SRFBP1: variants seen among roughly 807,000 people sequenced by gnomAD.
SRFBP1 encodes serum response factor binding protein 1, also known as serum response factor-binding protein 1.
Under a neutral mutation model 45.5 loss-of-function variants are expected in SRFBP1, and 47 were observed. The ratio of observed to expected loss-of-function variants is 1.03; its 90% CI spans 0.82 to 1.32. SRFBP1 has a LOEUF of 1.32. SRFBP1 is among the 40% of genes most tolerant of loss of function. SRFBP1 has a pLI of 0.00. For synonymous variants in SRFBP1, 203 were observed against 166.3 expected (o/e 1.22, Z -1.70); for missense variants, 621 against 484.6 (o/e 1.28, Z -2.64).
intron 6 of SRFBP1, among the ~76,000 whole-genome samples, chr5:122,021,735 G>A (rs1041972624): frequency 2.2e-5 from 3 of 138,508 alleles, no homozygotes; most frequent in African/African-American, 8.3e-5. Flanking sequence ...GGAGTGCAGT[G>A]GTGTGATCTT....
chr5:122,040,281 A>G (rs1753754776), intron 2 of SRFBP1, among the ~76,000 whole-genome samples: 1 of 152,166 alleles, frequency 6.6e-6, no homozygotes, highest in Non-Finnish European at 1.5e-5. Flanking sequence ...ATAGAATTGT[A>G]GAACAAATTA....
rs868248531 is a variant in SRFBP1, at chr5:121,998,474, A to G, written c.270+3804A>G. On this transcript the variant is annotated intron_variant, in intron 4 of 7. Transcript: ENST00000339397. ...GGTGGGAATTGAACAATGAGATCACATGGACACAGGAAGGGGAATATCACA... is the reference window on the plus strand; with the variant it reads ...GGTGGGAATTGAACAATGAGATCACGTGGACACAGGAAGGGGAATATCACA... Among the ~76,000 whole-genome samples the G allele has an allele frequency of 2.4e-3, 320 of 132,112 alleles. 3 individuals are homozygous for G. Among genetic ancestry groups the G allele is most frequent in the African/African-American group, 8.8e-3 (307 of 35,074 alleles). The allele number at this position is 132,112 out of a possible 152,430, so 86.7% of individuals were successfully genotyped here.
chr5:122,028,654 T>G (rs1753539287), downstream of SRFBP1: 1 of 152,126 alleles, frequency 6.6e-6, no homozygotes, highest in African/African-American at 2.4e-5. Context: ...CAAGGGATTA[T>G]GCAGAGAGAA....
At chr5:121,990,816 A>G (rs941007780) in intron 3 of SRFBP1, among the ~76,000 whole-genome samples, 7 of 152,194 alleles carry the variant, frequency 4.6e-5, no homozygotes, top group Non-Finnish European at 8.8e-5. Context: ...TCTTTTGACT[A>G]CATGTCTTAT....
chr5:121,997,461 T>C (rs1752754132), intron 4 of SRFBP1, among the ~76,000 whole-genome samples: 1 of 151,832 alleles, frequency 6.6e-6, no homozygotes, highest in Non-Finnish European at 1.5e-5. Flanking sequence ...TGGCTAGCCA[T>C]ATGTAGAAAG....
chr5:121,966,449 A>G (rs897142776), intron 1 of SRFBP1, among the ~76,000 whole-genome samples: 63 of 152,222 alleles, frequency 4.1e-4, no homozygotes, highest in African/African-American at 1.5e-3. Flanking sequence ...AAGTAGGTAT[A>G]TAATGGGCAG....
intron 7 of SRFBP1, among the ~76,000 whole-genome samples, chr5:122,023,794 C>T (rs1218667080): frequency 3.3e-5 from 5 of 152,170 alleles, no homozygotes; most frequent in East Asian, 1.9e-4. Context: ...TATACACCTC[C>T]TCAAAAACTC....
chr5:121,995,699 C>T (rs1277178025), intron 4 of SRFBP1, among the ~76,000 whole-genome samples: 2 of 152,090 alleles, frequency 1.3e-5, no homozygotes, highest in African/African-American at 4.8e-5. Context: ...ACAAAAAACC[C>T]TTCAAAAAAT....
chr5:122,017,987 A>G (rs1561593106), intron 4 of SRFBP1, among the ~76,000 whole-genome samples: 1 of 152,096 alleles, frequency 6.6e-6, no homozygotes, highest in Non-Finnish European at 1.5e-5. Context: ...GCAGATATGA[A>G]AACATCTACA....
intron 2 of SRFBP1, among the ~76,000 whole-genome samples, chr5:122,047,770 G>A (rs1753892313): frequency 6.6e-6 from 1 of 152,146 alleles, no homozygotes; most frequent in Admixed American, 6.5e-5. Context: ...CACATCCCTT[G>A]TAAGTTGGAT....
chr5:121,965,551 A>G (rs531238221), intron 1 of SRFBP1, among the ~76,000 whole-genome samples: 6 of 151,962 alleles, frequency 3.9e-5, no homozygotes, highest in Non-Finnish European at 7.4e-5. Flanking sequence ...TGGTCTATAT[A>G]TCTGTTTTGG....
At chr5:122,005,746 T>C (rs907899012) in intron 4 of SRFBP1, among the ~76,000 whole-genome samples, 4 of 152,158 alleles carry the variant, frequency 2.6e-5, no homozygotes, top group Non-Finnish European at 5.9e-5. Flanking sequence ...TCTCTCTTGC[T>C]GTGTTTCTCA....
Position 122,027,070 on chromosome 5 carries a change from G to C in SRFBP1, c.1234G>C (p.Glu412Gln), listed in dbSNP as rs1753496221. The C allele has an allele frequency of 1.2e-5, 19 of 1,611,674 alleles. No individual in the cohort carries two copies. The highest frequency in any genetic ancestry group is 1.6e-5 in the Non-Finnish European group (19 of 1,179,204). ...PSWEASRRRK[E>Q]QQSNIAVFQG... ...ATGGGAAGCAAGCAGAAGGCGAAAA[G>C]AACAGCAATCTAATATTGCTGTGTT... Residue 412 changes from glutamate (E) to glutamine (Q), a missense_variant, in exon 8 of 8, where the codon GAA (glutamate) becomes CAA (glutamine). Glu to Gln is a conservative substitution (Grantham distance 29). Transcript: ENST00000339397.
At chr5:122,069,977 C>T in intron 2 of SRFBP1, 1 of 1,013,648 alleles carries the variant, frequency 9.9e-7, no homozygotes, top group Non-Finnish European at 1.6e-6. Flanking sequence ...GAAACAGATA[C>T]ATTCTATGTA....
intron 2 of SRFBP1, among the ~76,000 whole-genome samples, chr5:122,073,405 C>T (rs970652788): frequency 3.3e-5 from 5 of 152,182 alleles, no homozygotes; most frequent in Non-Finnish European, 7.3e-5. Context: ...TGGTGTCCTT[C>T]TGCTCTTATT....
chr5:121,999,819 A>G (rs1007868294), intron 4 of SRFBP1, among the ~76,000 whole-genome samples: 6 of 151,962 alleles, frequency 3.9e-5, no homozygotes, highest in Admixed American at 1.3e-4. Flanking sequence ...TTTAACCTCC[A>G]TATGTCTGTG....
At chr5:121,981,972 T>C (rs962968829) in intron 3 of SRFBP1, among the ~76,000 whole-genome samples, 21 of 151,976 alleles carry the variant, frequency 1.4e-4, no homozygotes, top group African/African-American at 4.6e-4. Context: ...GCAATTTTTT[T>C]TTTTTACATG....
downstream of SRFBP1, chr5:122,077,640 G>C (rs2152591437): frequency 6.2e-7 from 1 of 1,610,378 alleles, no homozygotes; most frequent in East Asian, 2.2e-5. The surrounding 1 kb of genome is among the most constrained non-coding windows in gnomAD (Gnocchi z 4.9). Context: ...GGCCTGGGGC[G>C]GCCAGCGGTG....
chr5:122,076,881 A>G (rs1203186996), downstream of SRFBP1: 1 of 1,613,122 alleles, frequency 6.2e-7, no homozygotes, highest in Admixed American at 1.7e-5. Flanking sequence ...CCTCAGACAT[A>G]TCAGCCCGTA....
Sources: allele counts gnomAD v4.1 joint callset (sites outside exome capture counted in the v4.1 genomes callset), GRCh38; gene constraint gnomAD v4.1.1; non-coding constraint Gnocchi (gnomAD v3.1); transcripts MANE v1.5; gene names NCBI Gene and HGNC (gene_info 2026-07-23, HGNC 2026-07-21).